Variants in TMEM50B observed in about 807,000 individuals in gnomAD.
The protein encoded by TMEM50B is transmembrane protein 50B, also known as HCV p7-trans-regulated protein 3.
TMEM50B carries 14 observed loss-of-function variants against 23.4 expected under a neutral mutation model. That is an observed-to-expected ratio of 0.60 (90% CI 0.39 to 0.93). TMEM50B has a LOEUF of 0.93. Among genes scored for constraint, TMEM50B ranks in the 40% least tolerant of loss-of-function variants. The pLI is 0.00. For synonymous variants in TMEM50B, 64 were observed against 62.3 expected, an observed-to-expected ratio of 1.03 and a Z score of -0.13; for missense variants, 159 against 193.0, an observed-to-expected ratio of 0.82 and a Z score of 1.04.
In TMEM50B at chr21:33,460,963, T is replaced by G. The variant is rs192361235; in HGVS notation, c.281-458A>C. On this transcript the variant is annotated intron_variant, in intron 4 of 6. Coordinates refer to ENST00000542230, the MANE Select transcript of TMEM50B (RefSeq NM_006134.7). ...ATAACGGCCATTCTTTAGGAGTATA[T>G]TCAGGCTTTTTTATTGCTGAGGCAG... Among the ~76,000 whole-genome samples, 230 of 152,366 alleles carry G rather than the reference T, an allele frequency of 1.5e-3. 4 individuals are homozygous for G. Among genetic ancestry groups the G allele is most frequent in the Non-Finnish European group, 2.1e-4 (14 of 68,030 alleles).
At position 33,455,736 on chromosome 21, in the gene TMEM50B, A is replaced by G. The variant is rs772496712; in HGVS notation, c.422T>C (p.Ile141Thr). ...GLAVFFQNAL[I>T]FFSTLIYKFG... ...AAATAAGGCAACTTACCTAAAAAAT[A>G]TAAGTGCATTTTGAAAAAACACAGC... The change falls in exon 6 of 7, where the codon ATA becomes ACA. Residue 141 changes from isoleucine (I) to threonine (T), a missense_variant. Physicochemically the swap from Ile to Thr is moderately conservative, Grantham distance 89. Transcript: ENST00000542230. The G allele has an allele frequency of 4.2e-5, 67 of 1,613,758 alleles. 2 individuals carry two copies. In the South Asian group the frequency reaches 5.9e-4, roughly 14 times the overall value.
At chr21:33,475,657 T>C (rs923508807) in intron 1 of TMEM50B, among the ~76,000 whole-genome samples, 41 of 151,658 alleles carry the variant, frequency 2.7e-4, no homozygotes, top group Non-Finnish European at 5.3e-4. Context: ...GAAATTACTT[T>C]TAAAAAAGAA....
intron 2 of TMEM50B, among the ~76,000 whole-genome samples, chr21:33,468,222 T>C (rs1304533401): frequency 1.3e-5 from 2 of 149,104 alleles, no homozygotes; most frequent in Non-Finnish European, 3.0e-5. Context: ...GCTTTTGTTT[T>C]ATGCCTGTCA....
chr21:33,434,182 T>G (rs1322019552), intron 8 of TMEM50B, among the ~76,000 whole-genome samples: 1 of 152,074 alleles, frequency 6.6e-6, no homozygotes, highest in East Asian at 1.9e-4. Flanking sequence ...GAGGACACGG[T>G]CAGGACATTT....
chr21:33,456,345 C>T (rs2084168271), intron 5 of TMEM50B, among the ~76,000 whole-genome samples: 1 of 152,168 alleles, frequency 6.6e-6, no homozygotes, highest in African/African-American at 2.4e-5. Flanking sequence ...ACTACAGGCA[C>T]ACACCACAAT....
chr21:33,451,146 AT>A (rs2084116203), intron 6 of TMEM50B, among the ~76,000 whole-genome samples: 1 of 152,206 alleles, frequency 6.6e-6, no homozygotes, highest in South Asian at 2.1e-4. Flanking sequence ...AAACAAAAAA[AT>A]GAATCAATAA....
intron 4 of TMEM50B, among the ~76,000 whole-genome samples, chr21:33,463,240 T>C (rs1189249312): frequency 9.9e-5 from 15 of 152,154 alleles, no homozygotes; most frequent in Admixed American, 6.5e-5. Flanking sequence ...TGCAATGAGC[T>C]GAGATCGCAC....
intron 8 of TMEM50B, among the ~76,000 whole-genome samples, chr21:33,433,986 G>C (rs1030803753): frequency 6.6e-6 from 1 of 152,108 alleles, no homozygotes; most frequent in Non-Finnish European, 1.5e-5. Flanking sequence ...AGGGTGCTTA[G>C]GAGGGCCCTA....
chr21:33,438,723 G>T (rs937889923), intron 8 of TMEM50B, among the ~76,000 whole-genome samples: 1 of 122,554 alleles, frequency 8.2e-6, no homozygotes, highest in Non-Finnish European at 1.6e-5. Flanking sequence ...CTGCTGGTAA[G>T]AAAGTGGCTT....
intron 8 of TMEM50B, among the ~76,000 whole-genome samples, chr21:33,438,023 G>T (rs4816452): frequency 6.0e-5 from 9 of 150,066 alleles, no homozygotes; most frequent in South Asian, 2.1e-4. Flanking sequence ...GGTGGCTCAT[G>T]CCTGTAATCC....
intron 1 of TMEM50B, chr21:33,478,989 C>G (rs949045488): frequency 2.9e-6 from 1 of 347,470 alleles, no homozygotes; most frequent in Non-Finnish European, 5.7e-6. Flanking sequence ...CCTCCCACCC[C>G]GTCCCGTCCG....
rs2083902587 is a variant in TMEM50B at position 33,432,816 on chromosome 21, G to T, written c.*2121-14C>A. 4.3e-6 allele frequency: 7 copies of T among 1,613,616 alleles called. No individual in the cohort carries two copies. Among genetic ancestry groups the T allele is most frequent in the Non-Finnish European group, 5.9e-6 (7 of 1,179,780 alleles). On this transcript the variant is annotated splice_polypyrimidine_tract_variant and intron_variant and NMD_transcript_variant, in intron 8 of 8. Coordinates refer to the TMEM50B transcript ENST00000420455. Reference sequence around the variant, plus strand: ...TTCTTCCTGGTCCTGAAATATAGAGGCCTGATTAAATACTGGTTTCACACT... The same window carrying T: ...TTCTTCCTGGTCCTGAAATATAGAGTCCTGATTAAATACTGGTTTCACACT...
chr21:33,473,905 AACTG>A (rs1391277712), intron 1 of TMEM50B, among the ~76,000 whole-genome samples: 4 of 152,184 alleles, frequency 2.6e-5, no homozygotes, highest in Admixed American at 1.3e-4. Context: ...GAACCTCAAC[AACTG>A]ACTAAGTAAA....
intron 6 of TMEM50B, among the ~76,000 whole-genome samples, chr21:33,451,650 G>A (rs1811518145): frequency 6.6e-6 from 1 of 152,184 alleles, no homozygotes; most frequent in East Asian, 1.9e-4. Context: ...GTTGAGCTGT[G>A]GGCATACTAA....
At chr21:33,466,084 A>AC (rs1403188862) in intron 3 of TMEM50B, among the ~76,000 whole-genome samples, 2 of 152,046 alleles carry the variant, frequency 1.3e-5, no homozygotes, top group East Asian at 3.8e-4. Flanking sequence ...ACATGGTGGA[A>AC]CCCCGTCTCT....
In TMEM50B at chr21:33,436,986, T is replaced by C. The variant is rs145162057; in HGVS notation, c.*2120+2228A>G. ...GAACCAAAGCATGGGCCTAGCCCAC[T>C]GGCTCCCTGGAAGAGATCAAGCCAT... is the stretch of plus-strand genomic sequence containing the variant. On this transcript the variant is annotated intron_variant and NMD_transcript_variant, in intron 8 of 8. Coordinates refer to the TMEM50B transcript ENST00000420455. 4.9e-5 allele frequency: 79 copies of C among 1,613,248 alleles called. 1 individual carries two copies. In the African/African-American group the frequency reaches 8.4e-4, roughly 17 times the overall value.
chr21:33,437,829 C>G (rs1244993240), intron 8 of TMEM50B, among the ~76,000 whole-genome samples: 2 of 150,302 alleles, frequency 1.3e-5, no homozygotes, highest in Non-Finnish European at 3.0e-5. Flanking sequence ...ATGAAAAATG[C>G]AAAAATTATC....
At chr21:33,464,009 G>A (rs1039971532) in intron 4 of TMEM50B, among the ~76,000 whole-genome samples, 5 of 151,918 alleles carry the variant, frequency 3.3e-5, no homozygotes, top group African/African-American at 1.2e-4. Flanking sequence ...AAATATACAC[G>A]TGATACCAAA....
downstream of TMEM50B, among the ~76,000 whole-genome samples, chr21:33,446,163 T>A (rs541642887): frequency 2.8e-4 from 42 of 152,300 alleles, no homozygotes; most frequent in South Asian, 8.3e-4. Context: ...GTTAATTCCC[T>A]GTGTTCTATC....
Sources: allele counts gnomAD v4.1 joint callset (sites outside exome capture counted in the v4.1 genomes callset), GRCh38; gene constraint gnomAD v4.1.1; transcripts MANE v1.5; gene names NCBI Gene and HGNC (gene_info 2026-07-23, HGNC 2026-07-21).